FAM178B: variants seen among roughly 807,000 people sequenced by gnomAD.
The protein encoded by FAM178B is family with sequence similarity 178 member B.
In FAM178B, 82 loss-of-function variants were observed where a neutral mutation model predicts 91.7. The observed-to-expected ratio is 0.89, with a 90% CI of 0.75 to 1.07. The LOEUF (loss-of-function observed/expected upper bound fraction) is 1.07. Ranked by LOEUF, FAM178B falls within the 50% of genes least tolerant of loss-of-function variation. FAM178B has a pLI of 0.00. For synonymous variants in FAM178B, 368 were observed against 359.4 expected, an observed-to-expected ratio of 1.02 and a Z score of -0.27; for missense variants, 769 against 846.7, an observed-to-expected ratio of 0.91 and a Z score of 1.14.
At chr2:96,961,424 C>G (rs2082080525) in intron 5 of FAM178B, among the ~76,000 whole-genome samples, 1 of 152,066 alleles carries the variant, frequency 6.6e-6, no homozygotes, top group Non-Finnish European at 1.5e-5. Context: ...TATGACATAT[C>G]CCACTACAAC....
At chr2:96,898,582 A>T (rs1303583555) in intron 13 of FAM178B, among the ~76,000 whole-genome samples, 1 of 152,058 alleles carries the variant, frequency 6.6e-6, no homozygotes, top group Admixed American at 6.5e-5. Context: ...TGAGCCAGGG[A>T]GGTTGGGGCT....
At chr2:96,968,336 G>GC (rs1186731861) in intron 4 of FAM178B, among the ~76,000 whole-genome samples, 2 of 151,764 alleles carry the variant, frequency 1.3e-5, no homozygotes, top group Non-Finnish European at 2.9e-5. Flanking sequence ...CCCACAATAG[G>GC]CCCCACACAC....
intron 14 of FAM178B, among the ~76,000 whole-genome samples, chr2:96,888,456 G>A (rs2080581721): frequency 6.6e-6 from 1 of 152,238 alleles, no homozygotes; most frequent in South Asian, 2.1e-4. Context: ...TAAGTGGCCT[G>A]TGCCCAGGGG....
chr2:96,891,973 A>G (rs1430242772), intron 14 of FAM178B, among the ~76,000 whole-genome samples: 1 of 152,222 alleles, frequency 6.6e-6, no homozygotes, highest in East Asian at 1.9e-4. Flanking sequence ...GGGAAACGAA[A>G]AGGCAAAGAC....
At position 96,972,521 on chromosome 2, in the gene FAM178B, A is replaced by G. The variant is rs1207723158; in HGVS notation, c.142+17T>C. ...AACCTCAGTGGGGATTTACCTGTGCAGGTGAGAGACGCCTACCTTCTCTCA... is the reference window on the plus strand; with the variant it reads ...AACCTCAGTGGGGATTTACCTGTGCGGGTGAGAGACGCCTACCTTCTCTCA... On this transcript the variant is annotated intron_variant, in intron 2 of 16. Transcript: ENST00000490605. 6.4e-7 allele frequency: 1 copy of G among 1,550,966 alleles called. No individual in the cohort carries two copies. The highest frequency in any genetic ancestry group is 8.7e-7 in the Non-Finnish European group (1 of 1,146,304).
intron 4 of FAM178B, among the ~76,000 whole-genome samples, chr2:96,968,462 T>C (rs528421938): frequency 6.6e-6 from 1 of 152,062 alleles, no homozygotes; most frequent in South Asian, 2.1e-4. Context: ...CCCCAGCCCC[T>C]GTCTGGTCCC....
At chr2:96,880,009 G>A (rs1168391274) in intron 14 of FAM178B, among the ~76,000 whole-genome samples, 6 of 152,356 alleles carry the variant, frequency 3.9e-5, no homozygotes, top group South Asian at 2.1e-4. Context: ...CCTGCGTGCC[G>A]GACACTATAC....
chr2:96,905,937 T>C (rs2081046979), intron 12 of FAM178B, among the ~76,000 whole-genome samples: 1 of 138,808 alleles, frequency 7.2e-6, no homozygotes, highest in African/African-American at 2.7e-5. Context: ...AATGGTGCGA[T>C]ATCGGCTCAC....
intron 5 of FAM178B, among the ~76,000 whole-genome samples, chr2:96,962,709 T>C (rs575219039): frequency 6.6e-6 from 1 of 152,260 alleles, no homozygotes; most frequent in South Asian, 2.1e-4. Context: ...TCTTTTAACT[T>C]TAAGAAATGG....
chr2:96,953,793 A>T (rs1480546781), intron 6 of FAM178B, among the ~76,000 whole-genome samples: 2 of 152,230 alleles, frequency 1.3e-5, no homozygotes, highest in African/African-American at 4.8e-5. Context: ...CTCAGCCACA[A>T]GCCCTTCCAC....
intron 6 of FAM178B, among the ~76,000 whole-genome samples, chr2:96,955,462 G>T (rs1050706574): frequency 2.6e-5 from 4 of 151,836 alleles, no homozygotes; most frequent in African/African-American, 9.7e-5. Flanking sequence ...AGTGAGCCAA[G>T]ATTGCGCCAC....
intron 8 of FAM178B, among the ~76,000 whole-genome samples, chr2:96,935,310 A>G (rs2081606265): frequency 6.6e-6 from 1 of 152,182 alleles, no homozygotes; most frequent in South Asian, 2.1e-4. Context: ...GGATCTCAGG[A>G]GCCCGTCTCT....
In FAM178B at chr2:96,894,043, C is replaced by G. The variant is rs529247829; in HGVS notation, c.1659G>C (p.Ser553=). 1.9e-6 allele frequency: 3 copies of G among 1,609,008 alleles called. No individual in the cohort carries two copies. The highest frequency in any genetic ancestry group is 3.4e-5 in the Admixed American group (2 of 59,592). The change falls in exon 14 of 17, where the codon TCG becomes TCC. Residue 553 remains serine, a synonymous_variant. Transcript: ENST00000490605. ...PLWQEKTQLS[S]LSRLLGLMRP... ...TCATGAGGCCCAGGAGCCGGCTGAGCGAGGACAGCTGGGGAGGAGAAGGGA... is the reference window on the plus strand; with the variant it reads ...TCATGAGGCCCAGGAGCCGGCTGAGGGAGGACAGCTGGGGAGGAGAAGGGA...
chr2:96,947,008 C>T (rs1045376725), intron 8 of FAM178B, among the ~76,000 whole-genome samples: 2 of 152,210 alleles, frequency 1.3e-5, no homozygotes, highest in Admixed American at 6.5e-5. Flanking sequence ...TTGGCCTTGG[C>T]CTTCAGGGCC....
chr2:96,947,820 G>C lies in FAM178B; in HGVS notation c.1076C>G (p.Pro359Arg). The C allele has an allele frequency of 6.5e-7, 1 of 1,536,902 alleles. No individual in the cohort carries two copies. The highest frequency in any genetic ancestry group is 8.8e-7 in the Non-Finnish European group (1 of 1,133,786). Residue 359 changes from proline (P) to arginine (R), a missense_variant and splice_region_variant, in exon 8 of 17, where the codon CCT (proline) becomes CGT (arginine). Transcript: ENST00000490605. ...CCACCCTGCATCCCAGTACTGACCA[G>C]GCTGAAGGAAGATTCCATCCACAAT... is the stretch of plus-strand genomic sequence containing the variant. ...DLIVDGIFLQ[P>R]DEDKHLWCPS...
rs2153375792 is a variant in FAM178B at position 96,972,170 on chromosome 2, T to C, written c.295A>G (p.Ile99Val). 1.3e-6 allele frequency: 2 copies of C among 1,546,272 alleles called. No individual in the cohort carries two copies. The highest frequency in any genetic ancestry group is 4.9e-5 in the East Asian group (2 of 40,874). Residue 99 changes from isoleucine to valine, a missense_variant, in exon 3 of 17, where the codon ATA becomes GTA. Coordinates refer to ENST00000490605, the MANE Select transcript of FAM178B (RefSeq NM_001122646.3). ...PAPTSPKKPKIQAPGETFPTD... is the reference protein window; with the variant it reads ...PAPTSPKKPKVQAPGETFPTD... Reference sequence around the variant, plus strand: ...GGAAACGTTTCCCCAGGTGCCTGTATCTTGGGCTTCTTTGGCGATGTGGGA... The same window carrying C: ...GGAAACGTTTCCCCAGGTGCCTGTACCTTGGGCTTCTTTGGCGATGTGGGA...
intron 15 of FAM178B, 77 bp from the exon 16 acceptor site, chr2:96,878,119 A>G: frequency 6.7e-7 from 1 of 1,501,354 alleles, no homozygotes; most frequent in Non-Finnish European, 9.1e-7. Context: ...GAGGAGAACA[A>G]ATTCAGAGAA....
chr2:96,928,934 G>C (rs549489762), intron 9 of FAM178B, among the ~76,000 whole-genome samples: 4 of 152,152 alleles, frequency 2.6e-5, no homozygotes, highest in African/African-American at 9.7e-5. Flanking sequence ...AGGATCGCTT[G>C]AGCCTAAGAG....
chr2:96,977,194 C>CAAAAAAA (rs70964891), intron 1 of FAM178B, among the ~76,000 whole-genome samples: 1 of 38,520 alleles, frequency 2.6e-5, no homozygotes. Flanking sequence ...GACTCTGTCT[C>CAAAAAAA]AAAAAAAAAA....
Sources: allele counts gnomAD v4.1 joint callset (sites outside exome capture counted in the v4.1 genomes callset), GRCh38; gene constraint gnomAD v4.1.1; transcripts MANE v1.5; gene names NCBI Gene and HGNC (gene_info 2026-07-23, HGNC 2026-07-21).